The following GRID2 variants were observed in gnomAD, a reference collection of about 807,000 sequenced individuals.
The protein encoded by GRID2 is glutamate ionotropic receptor delta type subunit 2.
GRID2 carries 33 observed loss-of-function variants against 114.8 expected under a neutral mutation model. The ratio of observed to expected loss-of-function variants is 0.29; its 90% CI spans 0.22 to 0.38. The LOEUF is 0.38. Among genes scored for constraint, GRID2 ranks in the 10% least tolerant of loss-of-function variants. The probability of loss-of-function intolerance (pLI) is 1.00; values close to 1 mark genes in which losing one functional copy is unlikely to be tolerated. For missense variants in GRID2, 1,184 were observed against 1,257.7 expected, an observed-to-expected ratio of 0.94 and a Z score of 0.89; for synonymous variants, 505 against 449.9, an observed-to-expected ratio of 1.12 and a Z score of -1.55.
rs540247399 is a variant in GRID2, at chr4:93,589,353, T to G, written c.2194-36916T>G. 2.2e-4 allele frequency among the ~76,000 whole-genome samples: 34 copies of G among 152,044 alleles called. No individual in the cohort carries two copies. In the East Asian group the frequency reaches 6.2e-3, roughly 28 times the overall value. ...TTACTGAGAATGATGGTTTCCAATT[T>G]CATCCATGTCCCTACAAAGGACATG... is the stretch of plus-strand genomic sequence containing the variant. On this transcript the variant is annotated intron_variant, in intron 13 of 15. Transcript: ENST00000282020.
chr4:92,667,090 G>T (rs975209224), intron 2 of GRID2, among the ~76,000 whole-genome samples: 1 of 151,682 alleles, frequency 6.6e-6, no homozygotes, highest in Non-Finnish European at 1.5e-5. Context: ...GGTGGCTGCT[G>T]TCGAGTTAAG....
At chr4:92,947,606 T>G (rs946027999) in intron 2 of GRID2, among the ~76,000 whole-genome samples, 1 of 151,966 alleles carries the variant, frequency 6.6e-6, no homozygotes, top group Non-Finnish European at 1.5e-5. Context: ...TAGATAGCAT[T>G]GACAAATGTC....
rs540617033 is a variant in GRID2 at position 93,594,498 on chromosome 4, T to G, written c.2194-31771T>G. 7.2e-5 allele frequency among the ~76,000 whole-genome samples: 11 copies of G among 152,218 alleles called. No homozygotes were observed. The East Asian group carries it at 1.9e-3, about 27-fold the overall frequency. On this transcript the variant is annotated intron_variant, in intron 13 of 15. Coordinates refer to ENST00000282020, the MANE Select transcript of GRID2 (RefSeq NM_001510.4). The stretch of plus-strand genomic sequence containing the variant: ...CATTTAAGTCTGCAGAGGTTACTGC[T>G]GTCTTTTTGTTTGTCTGTGCCCTGC...
intron 2 of GRID2, among the ~76,000 whole-genome samples, chr4:93,011,509 TG>T (rs1455377905): frequency 6.6e-6 from 1 of 152,064 alleles, no homozygotes; most frequent in Non-Finnish European, 1.5e-5. Flanking sequence ...CCCCCATGCT[TG>T]GGCTTTCCAG....
intron 14 of GRID2, among the ~76,000 whole-genome samples, chr4:93,738,541 A>G (rs940771410): frequency 1.3e-5 from 2 of 152,110 alleles, no homozygotes; most frequent in Non-Finnish European, 2.9e-5. Context: ...ATAAATGCCT[A>G]ATAGACTTAA....
chr4:93,039,648 C>G (rs565883312), intron 2 of GRID2, among the ~76,000 whole-genome samples: 39 of 152,204 alleles, frequency 2.6e-4, no homozygotes, highest in Admixed American at 4.6e-4. Context: ...GTCTATAAGA[C>G]TGTAGCCTAT....
chr4:93,162,066 G>A (rs1254754911), intron 4 of GRID2, among the ~76,000 whole-genome samples: 1 of 151,690 alleles, frequency 6.6e-6, no homozygotes. Context: ...GAACAGGCCA[G>A]TTGAGGTTTT....
chr4:93,598,764 C>G (rs1009773619), intron 13 of GRID2, among the ~76,000 whole-genome samples: 2 of 152,158 alleles, frequency 1.3e-5, no homozygotes, highest in African/African-American at 4.8e-5. Flanking sequence ...TCTTTATCCT[C>G]TTTCATAGCT....
At chr4:93,223,021 C>T (rs1745070009) in intron 6 of GRID2, among the ~76,000 whole-genome samples, 1 of 152,052 alleles carries the variant, frequency 6.6e-6, no homozygotes, top group African/African-American at 2.4e-5. Flanking sequence ...GGCAGTAGAA[C>T]CAGGAGGGGT....
Position 92,628,735 on chromosome 4 carries a change from C to T in GRID2, c.244+38449C>T, listed in dbSNP as rs986723228. On this transcript the variant is annotated intron_variant, in intron 2 of 15. Transcript: ENST00000282020. ...TGCACCCATAACTTCCACAGGGACT[C>T]ATGCCTCCAATCTGGGCTTCTCTGA... Among the ~76,000 whole-genome samples the T allele has an allele frequency of 3.3e-5, 5 of 152,232 alleles. No individual in the cohort carries two copies. The East Asian group carries it at 9.7e-4, about 29-fold the overall frequency.
intron 11 of GRID2, among the ~76,000 whole-genome samples, chr4:93,460,285 C>T (rs1289465109): frequency 2.6e-5 from 4 of 152,154 alleles, no homozygotes; most frequent in South Asian, 2.1e-4. Flanking sequence ...TCTTACCATT[C>T]GTGCCTCACA....
intron 8 of GRID2, among the ~76,000 whole-genome samples, chr4:93,257,425 T>A (rs2149541968): frequency 6.6e-6 from 1 of 151,868 alleles, no homozygotes; most frequent in African/African-American, 2.4e-5. Flanking sequence ...ATTTATTGAT[T>A]AGTCTACAGA....
chr4:93,236,947 T>A lies in GRID2; in HGVS notation c.1126-1424T>A, dbSNP rs2062790. 8.5e-3 allele frequency among the ~76,000 whole-genome samples: 1,300 copies of A among 152,190 alleles called. 18 individuals carry two copies. The highest frequency in any genetic ancestry group is 0.03 in the African/African-American group (1,239 of 41,564). On this transcript the variant is annotated intron_variant, in intron 7 of 15. Transcript: ENST00000282020. ...AGTGGAAGTAATGATGATAATAGTA[T>A]TTAAGCTCTTACCACATGTCAAGAA...
intron 2 of GRID2, among the ~76,000 whole-genome samples, chr4:92,721,587 C>T (rs1459777658): frequency 6.6e-6 from 1 of 151,952 alleles, no homozygotes; most frequent in Non-Finnish European, 1.5e-5. Flanking sequence ...CTTTTCAAAC[C>T]ATCTAAATCA....
intron 8 of GRID2, among the ~76,000 whole-genome samples, chr4:93,307,588 G>A (rs1397383424): frequency 6.6e-6 from 1 of 152,034 alleles, no homozygotes; most frequent in African/African-American, 2.4e-5. Context: ...TCTTCCATCA[G>A]TACCTCCAGA....
At chr4:93,043,925 A>T (rs960482343) in intron 2 of GRID2, among the ~76,000 whole-genome samples, 7 of 149,966 alleles carry the variant, frequency 4.7e-5, no homozygotes, top group Admixed American at 2.0e-4. Flanking sequence ...AAAAATATAT[A>T]TATATAAAAA....
chr4:93,625,862 C>T (rs1165002312), intron 13 of GRID2, among the ~76,000 whole-genome samples: 7 of 152,138 alleles, frequency 4.6e-5, no homozygotes, highest in Non-Finnish European at 8.8e-5. Flanking sequence ...TTGCAGTGAG[C>T]GGAGATCGCG....
chr4:92,912,454 T>C (rs763104902), intron 2 of GRID2, among the ~76,000 whole-genome samples: 17 of 151,678 alleles, frequency 1.1e-4, no homozygotes, highest in Non-Finnish European at 2.2e-4. Context: ...GTAATTGTTA[T>C]GCATTTTAGT....
At chr4:92,676,391 A>G (rs191980580) in intron 2 of GRID2, among the ~76,000 whole-genome samples, 40 of 151,972 alleles carry the variant, frequency 2.6e-4, no homozygotes, top group South Asian at 6.2e-4. Flanking sequence ...TGTGTTAGCC[A>G]GGATGGTCTC....
Sources: gnomAD v4.1 joint callset for allele counts (sites outside exome capture counted in the v4.1 genomes callset) on GRCh38, gnomAD v4.1.1 for gene constraint, MANE v1.5 for transcripts, NCBI Gene and HGNC (gene_info 2026-07-23, HGNC 2026-07-21) for gene names.